HNRNPA0: variants seen among roughly 807,000 people sequenced by gnomAD.
HNRNPA0 encodes the protein heterogeneous nuclear ribonucleoprotein A0, also known as hnRNA binding protein.
For synonymous variants in HNRNPA0, 243 were observed against 195.5 expected (o/e 1.24, Z -2.03); for missense variants, 252 against 433.7 (o/e 0.58, Z 3.72).
rs1753443960 is a variant in HNRNPA0 at position 137,748,463 on chromosome 5, T to C, written c.*4686A>G. On this transcript the variant is annotated 3_prime_UTR_variant, in exon 1 of 1. Transcript: ENST00000314940. ...ACCATGCATATCTCGGGTACTAAGA[T>C]ATAAAAGTATGCCTTTTGCTAGTCT... 1 of 152,152 alleles carries C rather than the reference T, an allele frequency of 6.6e-6. No homozygotes were observed. The highest frequency in any genetic ancestry group is 2.4e-5 in the African/African-American group (1 of 41,430). 9.4% of individuals were successfully genotyped at this position (152,152 alleles called of 1,614,324 possible). A position where few individuals can be genotyped will look rare whatever the true frequency, so the allele number is the denominator to read the frequency against.
At position 137,753,177 on chromosome 5, in the gene HNRNPA0, C is replaced by T. The variant is rs1168402866; in HGVS notation, c.890G>A (p.Gly297Glu). 2 of 1,613,446 alleles carry T rather than the reference C, an allele frequency of 1.2e-6. No individual in the cohort carries two copies. Among genetic ancestry groups the T allele is most frequent in the Non-Finnish European group, 1.7e-6 (2 of 1,179,876 alleles). The change falls in exon 1 of 1, where the codon GGG becomes GAG. Residue 297 changes from glycine to glutamate, a missense_variant. By Grantham distance (98) the Gly-to-Glu change is moderately conservative. Transcript: ENST00000314940. This position sits in a 1 kb window ranked among gnomAD's most constrained non-coding sequence, Gnocchi z 6.1. ...GAAGGAGCTGCCTCCATAGCCACCC[C>T]CACCGCCATAGCCGCCTCTGTAAGG... ...SGPYRGGYGG[G>E]GGYGGSSF
Position 137,751,314 on chromosome 5 carries a change from GAAAAAAA to G in HNRNPA0, c.*1828_*1834del, listed in dbSNP as rs35222604. The G allele has an allele frequency of 2.6e-5, 3 of 117,164 alleles. No individual in the cohort carries two copies. In the East Asian group the frequency reaches 7.1e-4, roughly 28 times the overall value. The allele number at this position is 117,164 out of a possible 1,614,324, so 7.3% of individuals were successfully genotyped here. On this transcript the variant is annotated 3_prime_UTR_variant, in exon 1 of 1. Coordinates refer to ENST00000314940, the MANE Select transcript of HNRNPA0 (RefSeq NM_006805.4). ...CTTCTTTAAAAGCCCTGCCAATCAGGAAAAAAAAAAAAAAAACTGGCAAGAACTAGAC... is the reference window on the plus strand; with the variant it reads ...CTTCTTTAAAAGCCCTGCCAATCAGGAAAAAAAAACTGGCAAGAACTAGAC...
In HNRNPA0 at chr5:137,749,519, C is replaced by G. The variant is rs1753462156; in HGVS notation, c.*3630G>C. On this transcript the variant is annotated 3_prime_UTR_variant, in exon 1 of 1. Transcript: ENST00000314940. The stretch of plus-strand genomic sequence containing the variant: ...ATTCAAGGCAAATATGAAGTTCACT[C>G]AAAAGCAGGACAGCTAAGGAGTTAT... 6.6e-6 allele frequency: 1 copy of G among 152,188 alleles called. No homozygotes were observed. Among genetic ancestry groups the G allele is most frequent in the Non-Finnish European group, 1.5e-5 (1 of 68,002 alleles). The allele number at this position is 152,188 out of a possible 1,614,324, so 9.4% of individuals were successfully genotyped here.
Position 137,753,201 on chromosome 5 carries a change from G to C in HNRNPA0, c.866C>G (p.Pro289Arg). The C allele has an allele frequency of 1.2e-6, 2 of 1,613,764 alleles. No homozygotes were observed. The highest frequency in any genetic ancestry group is 1.7e-6 in the Non-Finnish European group (2 of 1,179,962). ...SSWGGRSNSG[P>R]YRGGYGGGGG... Reference sequence around the variant, plus strand: ...CCCACCGCCATAGCCGCCTCTGTAAGGTCCACTATTACTGCGACCGCCCCA... The same window carrying C: ...CCCACCGCCATAGCCGCCTCTGTAACGTCCACTATTACTGCGACCGCCCCA... The change falls in exon 1 of 1, where the codon CCT (proline) becomes CGT (arginine). Residue 289 changes from proline (P) to arginine (R), a missense_variant. Physicochemically the swap from Pro to Arg is moderately radical, Grantham distance 103. Transcript: ENST00000314940. This position sits in a 1 kb window ranked among gnomAD's most constrained non-coding sequence, Gnocchi z 6.1.
rs1470646977 is a variant in HNRNPA0, at chr5:137,752,955, C to T, written c.*194G>A. The T allele has an allele frequency of 3.6e-6, 2 of 550,756 alleles. No individual in the cohort carries two copies. Among genetic ancestry groups the T allele is most frequent in the African/African-American group, 3.8e-5 (2 of 53,222 alleles). 34.1% of individuals were successfully genotyped at this position (550,756 alleles called of 1,614,324 possible). A position where few individuals can be genotyped will look rare whatever the true frequency, so the allele number is the denominator to read the frequency against. On this transcript the variant is annotated 3_prime_UTR_variant, in exon 1 of 1. Transcript: ENST00000314940. Reference sequence around the variant, plus strand: ...GTGTATGTGGGGCCGAGTCCATCTTCAGAGGGAGAGACAAGAGAGGTGGCA... The same window carrying T: ...GTGTATGTGGGGCCGAGTCCATCTTTAGAGGGAGAGACAAGAGAGGTGGCA...
Position 137,751,558 on chromosome 5 carries a change from TCTCA to T in HNRNPA0, c.*1587_*1590del, listed in dbSNP as rs1026612616. The T allele has an allele frequency of 3.3e-5, 5 of 150,452 alleles. No individual in the cohort carries two copies. The highest frequency in any genetic ancestry group is 6.7e-5 in the Admixed American group (1 of 15,002). The allele number at this position is 150,452 out of a possible 1,614,324, so 9.3% of individuals were successfully genotyped here. ...AACCCACCCACCAGGTTATACATACTCTCACTCAATCATGTAAAGAATTGAATTC... is the reference window on the plus strand; with the variant it reads ...AACCCACCCACCAGGTTATACATACTCTCAATCATGTAAAGAATTGAATTC... On this transcript the variant is annotated 3_prime_UTR_variant, in exon 1 of 1. Transcript: ENST00000314940.
In HNRNPA0 at chr5:137,752,545, A is replaced by G. The variant is rs11739162; in HGVS notation, c.*604T>C. On this transcript the variant is annotated 3_prime_UTR_variant, in exon 1 of 1. Coordinates refer to ENST00000314940, the MANE Select transcript of HNRNPA0 (RefSeq NM_006805.4). ...TACACATCAAGAATAAAGAATTAAC[A>G]CGTAAAGTCTTAAACAAATATCCCT... 6.8e-4 allele frequency: 104 copies of G among 152,642 alleles called. No homozygotes were observed. The highest frequency in any genetic ancestry group is 9.4e-4 in the Non-Finnish European group (64 of 68,054). The allele number at this position is 152,642 out of a possible 1,614,324, so 9.5% of individuals were successfully genotyped here. A position where few individuals can be genotyped will look rare whatever the true frequency, so the allele number is the denominator to read the frequency against.
Position 137,752,989 on chromosome 5 carries a change from G to A in HNRNPA0, c.*160C>T. The A allele has an allele frequency of 1.5e-6, 1 of 668,420 alleles. No individual in the cohort carries two copies. The highest frequency in any genetic ancestry group is 2.8e-5 in the East Asian group (1 of 36,058). 41.4% of individuals were successfully genotyped at this position (668,420 alleles called of 1,614,324 possible). Reference sequence around the variant, plus strand: ...AGACAAGAGAGGTGGCAGGCAAATAGAGGAACACCCCCAAGGGTAAGCAGC... The same window carrying A: ...AGACAAGAGAGGTGGCAGGCAAATAAAGGAACACCCCCAAGGGTAAGCAGC... On this transcript the variant is annotated 3_prime_UTR_variant, in exon 1 of 1. Coordinates refer to ENST00000314940, the MANE Select transcript of HNRNPA0 (RefSeq NM_006805.4).
Position 137,750,763 on chromosome 5 carries a change from G to C in HNRNPA0, c.*2386C>G, listed in dbSNP as rs1753481788. 6.6e-6 allele frequency: 1 copy of C among 152,126 alleles called. No individual in the cohort carries two copies. The highest frequency in any genetic ancestry group is 1.5e-5 in the Non-Finnish European group (1 of 67,998). The allele number at this position is 152,126 out of a possible 1,614,324, so 9.4% of individuals were successfully genotyped here. A position where few individuals can be genotyped will look rare whatever the true frequency, so the allele number is the denominator to read the frequency against. ...TGACAATGAAGTGTTAATATACCAT[G>C]AACAGAACAGGTTGCCTTCCTAATA... is the stretch of plus-strand genomic sequence containing the variant. On this transcript the variant is annotated 3_prime_UTR_variant, in exon 1 of 1. Coordinates refer to ENST00000314940, the MANE Select transcript of HNRNPA0 (RefSeq NM_006805.4).
chr5:137,747,962 T>C lies in HNRNPA0; in HGVS notation c.*5187A>G, dbSNP rs1358136950. On this transcript the variant is annotated 3_prime_UTR_variant, in exon 1 of 1. Transcript: ENST00000314940. ...GCGAAACAACTAGAATTGGTCAAAC[T>C]TGGATTCAACTCTCAGTTCTACCAT... is the stretch of plus-strand genomic sequence containing the variant. 2.0e-5 allele frequency: 3 copies of C among 152,184 alleles called. No homozygotes were observed. The highest frequency in any genetic ancestry group is 4.8e-5 in the African/African-American group (2 of 41,458). The allele number at this position is 152,184 out of a possible 1,614,324, so 9.4% of individuals were successfully genotyped here. A position where few individuals can be genotyped will look rare whatever the true frequency, so the allele number is the denominator to read the frequency against.
chr5:137,753,532 T>C lies in HNRNPA0; in HGVS notation c.535A>G (p.Ile179Val). ...EVKKAVPKEDIYSGGGGGGSR... is the reference protein window; with the variant it reads ...EVKKAVPKEDVYSGGGGGGSR... Reference sequence around the variant, plus strand: ...CCGCCTCCACCCCCACCGGAGTAGATATCCTCCTTGGGGACTGCTTTCTTC... The same window carrying C: ...CCGCCTCCACCCCCACCGGAGTAGACATCCTCCTTGGGGACTGCTTTCTTC... Residue 179 changes from isoleucine (I) to valine (V), a missense_variant, in exon 1 of 1, where the codon ATC becomes GTC. Transcript: ENST00000314940. This position sits in a 1 kb window ranked among gnomAD's most constrained non-coding sequence, Gnocchi z 6.1. 5 of 1,611,744 alleles carry C rather than the reference T, an allele frequency of 3.1e-6. No homozygotes were observed. The highest frequency in any genetic ancestry group is 2.2e-5 in the East Asian group (1 of 44,778).
Position 137,754,304 on chromosome 5 carries a change from G to C in HNRNPA0, c.-238C>G. 1 of 518,742 alleles carries C rather than the reference G, an allele frequency of 1.9e-6. No homozygotes were observed. The highest frequency in any genetic ancestry group is 3.4e-6 in the Non-Finnish European group (1 of 291,146). The allele number at this position is 518,742 out of a possible 1,614,324, so 32.1% of individuals were successfully genotyped here. A position where few individuals can be genotyped will look rare whatever the true frequency, so the allele number is the denominator to read the frequency against. On this transcript the variant is annotated 5_prime_UTR_variant, in exon 1 of 1. Transcript: ENST00000314940. ...GCCGAGGAGACTGGAAGACAACCAA[G>C]GCCACCGCTACCGCCGCCGCCGCCA...
In HNRNPA0 at chr5:137,753,534, T is replaced by C. The variant is rs372379042; in HGVS notation, c.533A>G (p.Asp178Gly). ...GCCTCCACCCCCACCGGAGTAGATA[T>C]CCTCCTTGGGGACTGCTTTCTTCAC... ...VEVKKAVPKEDIYSGGGGGGS... is the reference protein window; with the variant it reads ...VEVKKAVPKEGIYSGGGGGGS... The change falls in exon 1 of 1, where the codon GAT (aspartate) becomes GGT (glycine). Residue 178 changes from aspartate to glycine, a missense_variant. Physicochemically the swap from Asp to Gly is moderately conservative, Grantham distance 94 (BLOSUM62 -1). Coordinates refer to ENST00000314940, the MANE Select transcript of HNRNPA0 (RefSeq NM_006805.4). This position sits in a 1 kb window ranked among gnomAD's most constrained non-coding sequence, Gnocchi z 6.1. 5 of 1,611,626 alleles carry C rather than the reference T, an allele frequency of 3.1e-6. No homozygotes were observed. The highest frequency in any genetic ancestry group is 4.2e-6 in the Non-Finnish European group (5 of 1,178,664).
At position 137,745,727 on chromosome 5, in the gene HNRNPA0, A is replaced by C. The variant is rs1753401138; in HGVS notation, c.*7422T>G. On this transcript the variant is annotated 3_prime_UTR_variant, in exon 1 of 1. Transcript: ENST00000314940. ...TTGGATCATACAGGAAAAAGACATAAGCAGAATCTGGAGGAATCCATGTGC... is the reference window on the plus strand; with the variant it reads ...TTGGATCATACAGGAAAAAGACATACGCAGAATCTGGAGGAATCCATGTGC... 6.6e-6 allele frequency: 1 copy of C among 152,222 alleles called. No individual in the cohort carries two copies. The highest frequency in any genetic ancestry group is 6.5e-5 in the Admixed American group (1 of 15,274). The allele number at this position is 152,222 out of a possible 1,614,324, so 9.4% of individuals were successfully genotyped here.
rs1054000628 is a variant in HNRNPA0, at chr5:137,747,267, A to G, written c.*5882T>C. 1.1e-4 allele frequency: 17 copies of G among 152,210 alleles called. No homozygotes were observed. Among genetic ancestry groups the G allele is most frequent in the African/African-American group, 4.1e-4 (17 of 41,440 alleles). The allele number at this position is 152,210 out of a possible 1,614,324, so 9.4% of individuals were successfully genotyped here. A position where few individuals can be genotyped will look rare whatever the true frequency, so the allele number is the denominator to read the frequency against. On this transcript the variant is annotated 3_prime_UTR_variant, in exon 1 of 1. Transcript: ENST00000314940. The stretch of plus-strand genomic sequence containing the variant: ...AAACCCACCATGAATAAAGCCAGAA[A>G]AGAGAGTATGCAGTTCTTTATTTGT...
At position 137,753,980 on chromosome 5, in the gene HNRNPA0, G is replaced by A. The variant is rs200753134; in HGVS notation, c.87C>T (p.Ala29=). Residue 29 remains alanine (A), a synonymous_variant, in exon 1 of 1, where the codon GCC becomes GCT. Transcript: ENST00000314940. The surrounding 1 kb of genome is among the most constrained non-coding windows in gnomAD (Gnocchi z 6.1). ...SESGLRGHFE[A]FGTLTDCVVV... ...CCACGCAGTCCGTCAGAGTCCCAAA[G>A]GCCTCAAAGTGGCCGCGCAGGCCCG... 5 of 1,614,168 alleles carry A rather than the reference G, an allele frequency of 3.1e-6. No homozygotes were observed. The highest frequency in any genetic ancestry group is 3.4e-6 in the Non-Finnish European group (4 of 1,180,030).
rs944349308 is a variant in HNRNPA0 at position 137,750,585 on chromosome 5, G to A, written c.*2564C>T. 2.6e-5 allele frequency: 4 copies of A among 152,202 alleles called. No homozygotes were observed. Among genetic ancestry groups the A allele is most frequent in the African/African-American group, 4.8e-5 (2 of 41,508 alleles). The allele number at this position is 152,202 out of a possible 1,614,324, so 9.4% of individuals were successfully genotyped here. On this transcript the variant is annotated 3_prime_UTR_variant, in exon 1 of 1. Coordinates refer to ENST00000314940, the MANE Select transcript of HNRNPA0 (RefSeq NM_006805.4). Reference sequence around the variant, plus strand: ...TAATGTTCAGATAATTTTCATAGGTGGAAGTGGTCAAAACATACAACCAAT... The same window carrying A: ...TAATGTTCAGATAATTTTCATAGGTAGAAGTGGTCAAAACATACAACCAAT...
At position 137,752,200 on chromosome 5, in the gene HNRNPA0, T is replaced by C. The variant is rs1753510257; in HGVS notation, c.*949A>G. The C allele has an allele frequency of 6.6e-6, 1 of 152,078 alleles. No individual in the cohort carries two copies. 9.4% of individuals were successfully genotyped at this position (152,078 alleles called of 1,614,324 possible). Reference sequence around the variant, plus strand: ...TATAACCCTTATTTTTAACCATTCATTACAGACAAACCAGTAAGAGGGATG... The same window carrying C: ...TATAACCCTTATTTTTAACCATTCACTACAGACAAACCAGTAAGAGGGATG... On this transcript the variant is annotated 3_prime_UTR_variant, in exon 1 of 1. Transcript: ENST00000314940.
chr5:137,750,771 C>T lies in HNRNPA0; in HGVS notation c.*2378G>A, dbSNP rs1272678903. 1 of 152,182 alleles carries T rather than the reference C, an allele frequency of 6.6e-6. No homozygotes were observed. The highest frequency in any genetic ancestry group is 2.4e-5 in the African/African-American group (1 of 41,460). The allele number at this position is 152,182 out of a possible 1,614,324, so 9.4% of individuals were successfully genotyped here. Reference sequence around the variant, plus strand: ...AAGTGTTAATATACCATGAACAGAACAGGTTGCCTTCCTAATACACAGAAA... The same window carrying T: ...AAGTGTTAATATACCATGAACAGAATAGGTTGCCTTCCTAATACACAGAAA... On this transcript the variant is annotated 3_prime_UTR_variant, in exon 1 of 1. Transcript: ENST00000314940.
Sources: allele counts gnomAD v4.1 joint callset, GRCh38; gene constraint gnomAD v4.1.1; non-coding constraint Gnocchi (gnomAD v3.1); transcripts MANE v1.5; gene names NCBI Gene and HGNC (gene_info 2026-07-23, HGNC 2026-07-21).